The following KANSL1 variants were observed in gnomAD, a reference collection of about 807,000 sequenced individuals.
KANSL1 encodes the protein MLL1/MLL complex subunit KANSL1.
Under a neutral mutation model 103.6 loss-of-function variants are expected in KANSL1, and 22 were observed. The ratio of observed to expected loss-of-function variants is 0.21; its 90% CI spans 0.15 to 0.30. KANSL1 has a LOEUF of 0.30. Ranked by LOEUF, KANSL1 falls within the 10% of genes least tolerant of loss-of-function variation. The pLI is 1.00. For synonymous variants in KANSL1, 600 were observed against 527.6 expected, an observed-to-expected ratio of 1.14 and a Z score of -1.88; for missense variants, 1,337 against 1,399.8, an observed-to-expected ratio of 0.96 and a Z score of 0.72.
At chr17:46,098,922 G>GT (rs1451708273) in intron 2 of KANSL1, among the ~76,000 whole-genome samples, 3 of 152,242 alleles carry the variant, frequency 2.0e-5, no homozygotes, top group Non-Finnish European at 4.4e-5. Context: ...GAGGTGTACA[G>GT]TTAACAAGTC....
At chr17:46,041,623 G>C (rs914887803) in intron 7 of KANSL1, 4 of 152,092 alleles carry the variant, frequency 2.6e-5, no homozygotes, top group African/African-American at 9.7e-5. Context: ...ATCTAACCTA[G>C]CTATTCCAAA....
rs765213873 is a variant in KANSL1 at position 46,171,614 on chromosome 17, T to C, written c.530A>G (p.Asn177Ser). ...TGAAGTGAGAGCCCGTTTTCCCCCA[T>C]TGAGGGAAGTGGAATTGTCATGATC... Reference protein sequence around the residue: ...HSDHDNSTSLNGGKRALTSSA... With the variant: ...HSDHDNSTSLSGGKRALTSSA... Residue 177 changes from asparagine to serine, a missense_variant, in exon 2 of 15, where the codon AAT (asparagine) becomes AGT (serine). Transcript: ENST00000432791. 2.3e-5 allele frequency: 37 copies of C among 1,577,294 alleles called. No individual in the cohort carries two copies. Among genetic ancestry groups the C allele is most frequent in the Non-Finnish European group, 2.7e-5 (32 of 1,165,272 alleles).
intron 7 of KANSL1, among the ~76,000 whole-genome samples, chr17:46,049,207 A>C (rs1056708118): frequency 8.8e-5 from 11 of 125,218 alleles, no homozygotes; most frequent in African/African-American, 3.1e-4. Context: ...CTTAGAAATG[A>C]TCTCTTTATT....
At position 46,105,949 on chromosome 17, in the gene KANSL1, C is replaced by CACACACACACACACACA. The variant is rs1567680988; in HGVS notation, c.1290-11249_1290-11248insTGTGTGTGTGTGTGTGT. Reference sequence around the variant, plus strand: ...CACACACACACACACACACACACACCCCCCCAGAAGGGTGAAGGAGCAGAA... The same window carrying CACACACACACACACACA: ...CACACACACACACACACACACACACCACACACACACACACACACCCCCAGAAGGGTGAAGGAGCAGAA... On this transcript the variant is annotated intron_variant, in intron 2 of 14. Transcript: ENST00000432791. Among the ~76,000 whole-genome samples the CACACACACACACACACA allele has an allele frequency of 2.7e-3, 135 of 49,282 alleles. 2 individuals carry two copies. The highest frequency in any genetic ancestry group is 8.2e-3 in the African/African-American group (127 of 15,542). 32.3% of individuals were successfully genotyped at this position (49,282 alleles called of 152,430 possible). A position where few individuals can be genotyped will look rare whatever the true frequency, so the allele number is the denominator to read the frequency against.
chr17:46,063,251 C>A (rs936920887), intron 6 of KANSL1, among the ~76,000 whole-genome samples: 4 of 152,234 alleles, frequency 2.6e-5, no homozygotes, highest in African/African-American at 9.6e-5. Flanking sequence ...TACCTGTTAA[C>A]TTCTTTGCTG....
chr17:46,031,636 T>TG lies in KANSL1; in HGVS notation c.3157dup (p.Gln1053ProfsTer65). On this transcript the variant is annotated frameshift_variant, in exon 15 of 15. Coordinates refer to ENST00000432791, the MANE Select transcript of KANSL1 (RefSeq NM_015443.4). LOFTEE classifies it high-confidence loss of function. The stretch of plus-strand genomic sequence containing the variant: ...GGCTGCTCGCTCCTGTGCATCCAGC[T>TG]GGTCCTCACACTCCGCCTGGGGACT... 1 of 1,613,940 alleles carries TG rather than the reference T, an allele frequency of 6.2e-7. No individual in the cohort carries two copies. The highest frequency in any genetic ancestry group is 8.5e-7 in the Non-Finnish European group (1 of 1,179,874).
At chr17:46,211,274 A>G (rs2668645) in intron 1 of KANSL1, among the ~76,000 whole-genome samples, 21,794 of 150,404 alleles carry the variant, frequency 0.14, 2,139 homozygotes, top group Middle Eastern at 0.22. Flanking sequence ...AAATCCTATT[A>G]GGAAAAAACT....
At chr17:46,147,898 G>A (rs930376697) in intron 2 of KANSL1, among the ~76,000 whole-genome samples, 11 of 152,226 alleles carry the variant, frequency 7.2e-5, no homozygotes, top group African/African-American at 2.2e-4. Context: ...GTACTAGGTT[G>A]TTGATGAATA....
intron 10 of KANSL1, 192 bp from the exon 11 acceptor site, chr17:46,034,477 A>G: frequency 1.8e-6 from 1 of 544,182 alleles, no homozygotes. Context: ...GAGAAATACC[A>G]GGTGGTCATG....
intron 1 of KANSL1, among the ~76,000 whole-genome samples, chr17:46,205,302 G>A (rs1436209151): frequency 1.4e-4 from 22 of 151,940 alleles, no homozygotes; most frequent in African/African-American, 2.7e-4. Flanking sequence ...AGTAGTAATC[G>A]TATTTCTATA....
rs77143214 is a variant in KANSL1, at chr17:46,160,785, T to C, written c.1289+10070A>G. Among the ~76,000 whole-genome samples, 160 of 152,366 alleles carry C rather than the reference T, an allele frequency of 1.1e-3. 2 individuals carry two copies. In the East Asian group the frequency reaches 0.023, roughly 22 times the overall value. ...TGCCATTATTTTACATGATGGTTGG[T>C]AGACCTCTTTTCATCAACCAAATCT... On this transcript the variant is annotated intron_variant, in intron 2 of 14. Coordinates refer to ENST00000432791, the MANE Select transcript of KANSL1 (RefSeq NM_015443.4).
At chr17:46,134,173 G>A (rs1262321664) in intron 2 of KANSL1, among the ~76,000 whole-genome samples, 3 of 152,220 alleles carry the variant, frequency 2.0e-5, no homozygotes, top group South Asian at 2.1e-4. Context: ...TGAGGCAGGC[G>A]GATCACCTGA....
chr17:46,062,942 C>T (rs781422647), intron 6 of KANSL1, among the ~76,000 whole-genome samples: 19 of 151,996 alleles, frequency 1.3e-4, no homozygotes, highest in Non-Finnish European at 2.4e-4. Context: ...CCCAGCTACT[C>T]GGGAGAATGA....
chr17:46,179,223 T>TAC (rs1567773987), intron 1 of KANSL1, among the ~76,000 whole-genome samples: 2 of 152,222 alleles, frequency 1.3e-5, no homozygotes, highest in African/African-American at 4.8e-5. Flanking sequence ...CTAAAGATTA[T>TAC]ACACACACAT....
At chr17:46,175,856 T>C (rs1252856751) in intron 1 of KANSL1, among the ~76,000 whole-genome samples, 3 of 152,254 alleles carry the variant, frequency 2.0e-5, no homozygotes, top group East Asian at 1.9e-4. Flanking sequence ...TTATTAAACA[T>C]TGTGTTACAG....
chr17:46,189,206 G>A (rs951763882), intron 1 of KANSL1, among the ~76,000 whole-genome samples: 1 of 152,032 alleles, frequency 6.6e-6, no homozygotes, highest in Admixed American at 6.5e-5. Flanking sequence ...GGGAATCACA[G>A]CGAGACCCCG....
At chr17:46,115,444 T>TGG (rs2043001354) in intron 2 of KANSL1, among the ~76,000 whole-genome samples, 2 of 126,134 alleles carry the variant, frequency 1.6e-5, no homozygotes, top group East Asian at 7.0e-4. Context: ...TATAAAGCTA[T>TGG]CGAGTGTCAA....
At chr17:46,073,292 G>A (rs1001693163) in intron 4 of KANSL1, among the ~76,000 whole-genome samples, 4 of 152,278 alleles carry the variant, frequency 2.6e-5, no homozygotes, top group South Asian at 2.1e-4. Flanking sequence ...CTTCTGTAAA[G>A]TAGGATGAGC....
chr17:46,094,887 T>C (rs1243197058), intron 2 of KANSL1, among the ~76,000 whole-genome samples, 186 bp from the exon 3 acceptor site: 3 of 152,206 alleles, frequency 2.0e-5, no homozygotes, highest in Admixed American at 6.5e-5. Flanking sequence ...AACTTCCAAA[T>C]AGGTATTTCC....
Sources: allele counts gnomAD v4.1 joint callset (sites outside exome capture counted in the v4.1 genomes callset), GRCh38; gene constraint gnomAD v4.1.1; transcripts MANE v1.5; gene names NCBI Gene and HGNC (gene_info 2026-07-23, HGNC 2026-07-21).